Variants in TK1 observed in about 807,000 individuals in gnomAD.
The protein encoded by TK1 is thymidine kinase 1.
A neutral mutation model predicts 22.4 loss-of-function variants in TK1; 13 were observed. That is an observed-to-expected ratio of 0.58 (90% confidence interval 0.38 to 0.92). TK1 has a LOEUF of 0.92. TK1 is among the 40% of genes least tolerant of loss of function. TK1 has a pLI of 0.00. For synonymous variants in TK1, 134 were observed against 125.4 expected (o/e 1.07, Z -0.46); for missense variants, 251 against 315.7 (o/e 0.80, Z 1.55).
chr17:78,180,113 T>TA (rs1418984267), intron 4 of TK1, among the ~76,000 whole-genome samples: 2 of 152,196 alleles, frequency 1.3e-5, no homozygotes, highest in Non-Finnish European at 2.9e-5. Flanking sequence ...ACTAAACGTA[T>TA]AGGTGGCCCT....
At chr17:78,179,247 T>C (rs570385626) in intron 4 of TK1, 3 of 985,426 alleles carry the variant, frequency 3.0e-6, no homozygotes, top group East Asian at 2.3e-4. Flanking sequence ...CCAAAGCTGA[T>C]GCAAAATCCC....
intron 5 of TK1, 50 bp from the exon 6 acceptor site, chr17:78,175,219 G>GTTTTTTTTTTTTTTTTTTTTT: frequency 6.3e-7 from 1 of 1,574,990 alleles, no homozygotes; most frequent in East Asian, 2.3e-5. Flanking sequence ...TACCAGGTGG[G>GTTTTTTTTTTTTTTTTTTTTT]TTTTTCTTTT....
At chr17:78,177,679 C>T (rs1415418967) in intron 4 of TK1, among the ~76,000 whole-genome samples, 3 of 150,460 alleles carry the variant, frequency 2.0e-5, no homozygotes, top group Non-Finnish European at 3.0e-5. Flanking sequence ...GTTCACGCCA[C>T]TCTCCTGCCT....
intron 4 of TK1, among the ~76,000 whole-genome samples, chr17:78,177,575 A>ATTT (rs148116384): frequency 7.0e-6 from 1 of 143,686 alleles, no homozygotes. Context: ...AAAAAGGTCT[A>ATTT]TTTTTTTTTT....
At position 78,187,037 on chromosome 17, in the gene TK1, C is replaced by A; in HGVS notation, c.-43G>T. 1.3e-6 allele frequency: 2 copies of A among 1,577,968 alleles called. No homozygotes were observed. Among genetic ancestry groups the A allele is most frequent in the Non-Finnish European group, 1.7e-6 (2 of 1,157,954 alleles). On this transcript the variant is annotated 5_prime_UTR_variant, in exon 1 of 7. Transcript: ENST00000301634. ...CACGAACCCGAGTACTCTCCAAGGC[C>A]GTCCCGCAGTAAGCCCCTGGTTCCC...
At chr17:78,187,081 C>T (rs769236311), upstream of TK1, 4 of 1,419,540 alleles carry the variant, frequency 2.8e-6, no homozygotes, top group Admixed American at 5.6e-5. Flanking sequence ...CGCTTTAAAC[C>T]ACGGCGTGCT....
At position 78,185,144 on chromosome 17, in the gene TK1, G is replaced by A. The variant is rs760435413; in HGVS notation, c.120C>T (p.Val40=). Residue 40 remains valine, a synonymous_variant, in exon 3 of 7, where the codon GTC becomes GTT. Transcript: ENST00000301634. ...TGTACTGAGCAATCTGGAAGCGACG[G>A]ACGCGTCTCATCAACTCTGTGCTGC... ...SGKSTELMRR[V]RRFQIAQYKC... 18 of 1,612,320 alleles carry A rather than the reference G, an allele frequency of 1.1e-5. No individual in the cohort carries two copies. The South Asian group carries it at 2.0e-4, about 18-fold the overall frequency.
Position 78,174,762 on chromosome 17 carries a change from G to A in TK1, c.702C>T (p.Asn234=). 6.2e-7 allele frequency: 1 copy of A among 1,602,396 alleles called. No homozygotes were observed. Among genetic ancestry groups the A allele is most frequent in the Non-Finnish European group, 8.5e-7 (1 of 1,174,816 alleles). The change falls in exon 7 of 7, where the codon AAC becomes AAT. Residue 234 remains asparagine, a synonymous_variant. Transcript: ENST00000301634. ...PQQILQCSPA[N] ...GCGGGCGGCCCTCGCAGGTCCCTCA[G>A]TTGGCAGGGCTGCATTGCAGAATCT...
chr17:78,176,817 G>GC (rs2075703762), intron 4 of TK1, among the ~76,000 whole-genome samples: 6 of 152,002 alleles, frequency 3.9e-5, no homozygotes. Flanking sequence ...TGCGTCCCTC[G>GC]CCCCCACCCA....
At position 78,174,557 on chromosome 17, in the gene TK1, G is replaced by T; in HGVS notation, c.*202C>A. 1 of 620,976 alleles carries T rather than the reference G, an allele frequency of 1.6e-6. No homozygotes were observed. The highest frequency in any genetic ancestry group is 2.7e-6 in the Non-Finnish European group (1 of 368,106). 38.5% of individuals were successfully genotyped at this position (620,976 alleles called of 1,614,324 possible). On this transcript the variant is annotated 3_prime_UTR_variant, in exon 7 of 7. Transcript: ENST00000301634. ...GGCGATCGTCCCAGCAGCTGAGAGG[G>T]AAGCTTTAAGCAGACCAGTGGGTAG...
Position 78,185,161 on chromosome 17 carries a change from CTG to C in TK1, c.101_102del (p.Thr34ArgfsTer35), listed in dbSNP as rs2075772551. 1 of 1,612,486 alleles carries C rather than the reference CTG, an allele frequency of 6.2e-7. No individual in the cohort carries two copies. Among genetic ancestry groups the C allele is most frequent in the African/African-American group, 1.3e-5 (1 of 74,496 alleles). On this transcript the variant is annotated frameshift_variant and splice_region_variant, in exon 3 of 7. Transcript: ENST00000301634. LOFTEE classifies it high-confidence loss of function. ...ILGPMFSGKS[T>X]ELMRRVRRFQ... is the part of the protein sequence containing the mutation. ...AAGCGACGGACGCGTCTCATCAACT[CTG>C]TGCTGCAAGAGGAGAGAGGGTCAGG...
Position 78,174,555 on chromosome 17 carries a change from G to C in TK1, c.*204C>G, listed in dbSNP as rs1303338468. The C allele has an allele frequency of 4.8e-6, 3 of 620,346 alleles. No homozygotes were observed. In the African/African-American group the frequency reaches 5.6e-5, roughly 12 times the overall value. The allele number at this position is 620,346 out of a possible 1,614,324, so 38.4% of individuals were successfully genotyped here. Reference sequence around the variant, plus strand: ...TGGGCGATCGTCCCAGCAGCTGAGAGGGAAGCTTTAAGCAGACCAGTGGGT... The same window carrying C: ...TGGGCGATCGTCCCAGCAGCTGAGACGGAAGCTTTAAGCAGACCAGTGGGT... On this transcript the variant is annotated 3_prime_UTR_variant, in exon 7 of 7. Transcript: ENST00000301634.
In TK1 at chr17:78,186,128, C is replaced by CGGGGG. The variant is rs60025049; in HGVS notation, c.98+654_98+658dup. Among the ~76,000 whole-genome samples the CGGGGG allele has an allele frequency of 2.9e-3, 428 of 147,110 alleles. 7 individuals are homozygous for CGGGGG. Among genetic ancestry groups the CGGGGG allele is most frequent in the African/African-American group, 9.3e-3 (359 of 38,548 alleles). On this transcript the variant is annotated intron_variant, in intron 2 of 6. Coordinates refer to ENST00000301634, the MANE Select transcript of TK1 (RefSeq NM_003258.5). Reference sequence around the variant, plus strand: ...TAAAATAAAATTAGCTGGGTGGAGGCGGGGGGGTGCACGCCTGTAGTCCCA... The same window carrying CGGGGG: ...TAAAATAAAATTAGCTGGGTGGAGGCGGGGGGGGGGGGTGCACGCCTGTAGTCCCA...
chr17:78,184,014 G>C (rs1241029223), intron 3 of TK1, among the ~76,000 whole-genome samples: 4 of 152,222 alleles, frequency 2.6e-5, no homozygotes, highest in African/African-American at 9.6e-5. Context: ...TCCAGAAGTT[G>C]TACTTCCAAC....
At chr17:78,179,560 C>CA (rs1156527295) in intron 4 of TK1, 1 of 985,294 alleles carries the variant, frequency 1.0e-6, no homozygotes, top group African/African-American at 1.7e-5. Context: ...TCAGCCTCCC[C>CA]ACGGGAATGG....
chr17:78,184,945 A>C (rs573016853), intron 3 of TK1, 110 bp downstream of exon 3: 2 of 849,472 alleles, frequency 2.4e-6, no homozygotes, highest in East Asian at 5.3e-5. Context: ...TGCTGATTTG[A>C]ATCATTCAAT....
intron 3 of TK1, chr17:78,183,925 C>G (rs1341475930): frequency 6.6e-6 from 1 of 152,222 alleles, no homozygotes; most frequent in African/African-American, 2.4e-5. Context: ...GCTGGCCCAG[C>G]CTTGGCCTCT....
At chr17:78,181,925 CT>C (rs200839353) in intron 4 of TK1, among the ~76,000 whole-genome samples, 37 of 147,116 alleles carry the variant, frequency 2.5e-4, no homozygotes, top group South Asian at 2.1e-4. Flanking sequence ...TGGCTAATTT[CT>C]TTTTTTTTTT....
chr17:78,187,052 C>T lies in TK1; in HGVS notation c.-58G>A, dbSNP rs2075812583. 3 of 1,549,580 alleles carry T rather than the reference C, an allele frequency of 1.9e-6. No homozygotes were observed. Among genetic ancestry groups the T allele is most frequent in the Non-Finnish European group, 2.6e-6 (3 of 1,133,614 alleles). On this transcript the variant is annotated 5_prime_UTR_variant, in exon 1 of 7. Transcript: ENST00000301634. ...TCTCCAAGGCCGTCCCGCAGTAAGC[C>T]CCTGGTTCCCGCGCCGACCGCTTTA...
Sources: allele counts gnomAD v4.1 joint callset (sites outside exome capture counted in the v4.1 genomes callset), GRCh38; gene constraint gnomAD v4.1.1; transcripts MANE v1.5; gene names NCBI Gene and HGNC (gene_info 2026-07-23, HGNC 2026-07-21).